Variants in PHF14 observed in about 807,000 individuals in gnomAD.
PHF14 encodes PHD finger protein 14.
PHF14 carries 55 observed loss-of-function variants against 117.9 expected under a neutral mutation model. The observed-to-expected ratio is 0.47, with a 90% confidence interval of 0.38 to 0.58. The LOEUF is 0.58. Ranked by LOEUF, PHF14 falls within the 20% of genes least tolerant of loss-of-function variation. PHF14 has a pLI of 0.00. For synonymous variants in PHF14, 409 were observed against 368.6 expected (o/e 1.11, Z -1.26); for missense variants, 978 against 1,122.2 (o/e 0.87, Z 1.84).
At chr7:11,034,539 A>ATTTTTTTTTTTTTTTTTT (rs56043099) in intron 7 of PHF14, among the ~76,000 whole-genome samples, 2 of 63,056 alleles carry the variant, frequency 3.2e-5, no homozygotes, top group Non-Finnish European at 5.5e-5. Flanking sequence ...TCTTAATTCT[A>ATTTTTTTTTTTTTTTTTT]TTTTTTTTTT....
At chr7:11,068,083 G>C (rs1392159055) in intron 16 of PHF14, among the ~76,000 whole-genome samples, 3 of 152,140 alleles carry the variant, frequency 2.0e-5, no homozygotes, top group Non-Finnish European at 4.4e-5. Context: ...GGGTGCGGTG[G>C]CTCACGCCTG....
At chr7:11,156,090 A>T (rs1208326282) in intron 17 of PHF14, among the ~76,000 whole-genome samples, 1 of 152,186 alleles carries the variant, frequency 6.6e-6, no homozygotes. Context: ...TTAAGTACAT[A>T]CCAGTGGTGG....
intron 17 of PHF14, among the ~76,000 whole-genome samples, chr7:11,132,746 C>T (rs1009542216): frequency 4.0e-5 from 6 of 151,846 alleles, no homozygotes; most frequent in African/African-American, 1.4e-4. Context: ...CCCTTTTCTC[C>T]ACCCCCTCAC....
intron 3 of PHF14, among the ~76,000 whole-genome samples, chr7:10,985,636 C>CCGG (rs750860479): frequency 3.3e-5 from 3 of 90,864 alleles, no homozygotes; most frequent in East Asian, 4.1e-4. Context: ...GATTCTCAAA[C>CCGG]TGTTTTTTTT....
chr7:11,138,813 C>T (rs150379592), intron 17 of PHF14, among the ~76,000 whole-genome samples: 10 of 152,236 alleles, frequency 6.6e-5, no homozygotes, highest in Admixed American at 3.9e-4. Flanking sequence ...TTATTTTATA[C>T]TCAATTTCAG....
chr7:11,019,695 T>C (rs1273742537), intron 5 of PHF14, among the ~76,000 whole-genome samples: 1 of 152,186 alleles, frequency 6.6e-6, no homozygotes, highest in African/African-American at 2.4e-5. Context: ...TAACATTTTG[T>C]TTCATTGATC....
chr7:11,133,125 C>G (rs1249109558), intron 17 of PHF14, among the ~76,000 whole-genome samples: 1 of 151,886 alleles, frequency 6.6e-6, no homozygotes, highest in Non-Finnish European at 1.5e-5. Context: ...GATGTCAGTT[C>G]TTTTCAACTT....
intron 14 of PHF14, among the ~76,000 whole-genome samples, chr7:11,056,526 A>G (rs1305631788): frequency 6.6e-6 from 1 of 152,000 alleles, no homozygotes; most frequent in Non-Finnish European, 1.5e-5. Flanking sequence ...CAATTGACCA[A>G]AGGGAAAGCA....
At chr7:11,133,203 A>G (rs73286507) in intron 17 of PHF14, among the ~76,000 whole-genome samples, 3,434 of 151,990 alleles carry the variant, frequency 0.023, 127 homozygotes, top group African/African-American at 0.078. Context: ...TGACAAACTG[A>G]TTCTCAAGTT....
At chr7:11,068,341 C>G (rs1398876790) in intron 16 of PHF14, among the ~76,000 whole-genome samples, 2 of 129,686 alleles carry the variant, frequency 1.5e-5, no homozygotes, top group African/African-American at 6.2e-5. Flanking sequence ...CAGAGCGAGA[C>G]TCCGTCTCAA....
In PHF14 at chr7:11,028,831, A is replaced by G; in HGVS notation, c.1455+13A>G. On this transcript the variant is annotated intron_variant, in intron 7 of 17. Coordinates refer to ENST00000634607, the MANE Select transcript of PHF14 (RefSeq NM_001007157.2). ...AGCGGCGGAAGAGGTAGGTTTATTT[A>G]AACCCATAGTTGGTGAACATGTTCA... is the stretch of plus-strand genomic sequence containing the variant. 1 of 1,611,534 alleles carries G rather than the reference A, an allele frequency of 6.2e-7. No individual in the cohort carries two copies. Among genetic ancestry groups the G allele is most frequent in the Non-Finnish European group, 8.5e-7 (1 of 1,177,990 alleles).
At chr7:11,071,960 G>GTAATATTTTGAAA (rs1226928133) in intron 16 of PHF14, among the ~76,000 whole-genome samples, 1 of 152,136 alleles carries the variant, frequency 6.6e-6, no homozygotes, top group Non-Finnish European at 1.5e-5. Context: ...ATTTCAAAGT[G>GTAATATTTTGAAA]TCTATTATTT....
At chr7:10,996,734 C>T (rs1002350324) in intron 4 of PHF14, among the ~76,000 whole-genome samples, 1 of 152,206 alleles carries the variant, frequency 6.6e-6, no homozygotes, top group Non-Finnish European at 1.5e-5. Context: ...GACCACACTA[C>T]CTAAATAAAT....
intron 4 of PHF14, among the ~76,000 whole-genome samples, 182 bp downstream of exon 4, chr7:10,991,029 C>T (rs1335141544): frequency 6.6e-5 from 10 of 152,076 alleles, no homozygotes; most frequent in Admixed American, 1.3e-4. Flanking sequence ...CTCACTGTGT[C>T]GCCCAGGCTG....
chr7:10,986,382 C>T (rs1053614476), intron 3 of PHF14, among the ~76,000 whole-genome samples: 7 of 152,294 alleles, frequency 4.6e-5, no homozygotes, highest in African/African-American at 1.7e-4. Context: ...AGGAAGCACA[C>T]AAGTTATCAG....
At chr7:11,145,667 C>T (rs181298599) in intron 17 of PHF14, among the ~76,000 whole-genome samples, 2 of 152,020 alleles carry the variant, frequency 1.3e-5, no homozygotes, top group East Asian at 3.8e-4. Context: ...ATTTAAAGAA[C>T]TACTTTTCTG....
At chr7:10,988,016 C>CCAAAAAAAAAAAAAAAAA (rs1554299508) in intron 3 of PHF14, among the ~76,000 whole-genome samples, 1 of 115,644 alleles carries the variant, frequency 8.6e-6, no homozygotes, top group African/African-American at 3.2e-5. Context: ...AACTCCTTCT[C>CCAAAAAAAAAAAAAAAAA]AAAAAAAAAA....
At chr7:11,135,886 A>C (rs1788207026) in intron 17 of PHF14, among the ~76,000 whole-genome samples, 1 of 152,194 alleles carries the variant, frequency 6.6e-6, no homozygotes, top group Non-Finnish European at 1.5e-5. Context: ...AAGCTAATTT[A>C]TAGCTTACAT....
chr7:11,067,213 A>G (rs1360127346), intron 16 of PHF14, among the ~76,000 whole-genome samples: 1 of 152,198 alleles, frequency 6.6e-6, no homozygotes, highest in Admixed American at 6.5e-5. Context: ...AAGATGCTCA[A>G]CATCACGAAT....
Sources: gnomAD v4.1 joint callset for allele counts (sites outside exome capture counted in the v4.1 genomes callset) on GRCh38, gnomAD v4.1.1 for gene constraint, MANE v1.5 for transcripts, NCBI Gene and HGNC (gene_info 2026-07-23, HGNC 2026-07-21) for gene names.